The following PCDHA12 variants were observed in gnomAD, a reference collection of about 807,000 sequenced individuals.
The protein encoded by PCDHA12 is protocadherin alpha-12.
PCDHA12 carries 44 observed loss-of-function variants against 60.0 expected under a neutral mutation model. The observed-to-expected ratio is 0.73, with a 90% CI of 0.58 to 0.94. PCDHA12 has a LOEUF of 0.94. PCDHA12 is among the 40% of genes least tolerant of loss of function. The pLI is 0.00. For missense variants in PCDHA12, 1,276 were observed against 1,239.7 expected, an observed-to-expected ratio of 1.03 and a Z score of -0.44; for synonymous variants, 569 against 553.0, an observed-to-expected ratio of 1.03 and a Z score of -0.40.
chr5:140,928,262 A>G, intron 1 of PCDHA12: 1 of 1,614,214 alleles, frequency 6.2e-7, no homozygotes, highest in Non-Finnish European at 8.5e-7. Flanking sequence ...GTTGCTGAAA[A>G]CAATGGCCCT....
intron 1 of PCDHA12, chr5:140,929,003 G>A: frequency 6.2e-7 from 1 of 1,614,106 alleles, no homozygotes; most frequent in South Asian, 1.1e-5. Flanking sequence ...TTCTTCGTGT[G>A]TACCAAGTTG....
At chr5:140,918,348 G>A (rs1184826451) in intron 1 of PCDHA12, among the ~76,000 whole-genome samples, 1 of 152,138 alleles carries the variant, frequency 6.6e-6, no homozygotes, top group Non-Finnish European at 1.5e-5. Context: ...GAGATAGGTT[G>A]ACTTCCTCTC....
intron 1 of PCDHA12, chr5:140,884,750 A>T (rs1032518651): frequency 8.1e-5 from 116 of 1,431,120 alleles, no homozygotes; most frequent in Non-Finnish European, 1.2e-5. Context: ...TGCCAATTTC[A>T]AATTATTCTT....
Position 140,875,764 on chromosome 5 carries a change from C to A in PCDHA12, c.292C>A (p.Arg98=), listed in dbSNP as rs782377276. 6.2e-7 allele frequency: 1 copy of A among 1,614,196 alleles called. No homozygotes were observed. The highest frequency in any genetic ancestry group is 8.5e-7 in the Non-Finnish European group (1 of 1,180,034). The change falls in exon 1 of 4, where the codon CGG becomes AGG. Residue 98 remains arginine, a synonymous_variant. Transcript: ENST00000398631. ...GATCGACCGCGAGAAGCTGTGCGGG[C>A]GGAGCGCGGAGTGCAGTATCCACCT... The part of the protein sequence containing the change: ...SRIDREKLCG[R]SAECSIHLEV...
At chr5:140,967,279 T>A in intron 1 of PCDHA12, 1 of 1,613,002 alleles carries the variant, frequency 6.2e-7, no homozygotes, top group Non-Finnish European at 8.5e-7. Context: ...ACATAGAGAG[T>A]GCGCAGGACC....
At chr5:140,884,078 A>C (rs2059981897) in intron 1 of PCDHA12, 5 of 1,613,512 alleles carry the variant, frequency 3.1e-6, no homozygotes, top group Non-Finnish European at 4.2e-6. Flanking sequence ...TTCGGGCTAC[A>C]ATGCGTGGCT....
intron 1 of PCDHA12, among the ~76,000 whole-genome samples, chr5:140,953,278 T>C (rs1227774652): frequency 6.6e-5 from 10 of 152,146 alleles, no homozygotes; most frequent in African/African-American, 2.4e-4. Flanking sequence ...CTTTGCTCTT[T>C]ATATGTGATT....
At chr5:140,908,248 C>G (rs2073877594) in intron 1 of PCDHA12, among the ~76,000 whole-genome samples, 2 of 152,154 alleles carry the variant, frequency 1.3e-5, no homozygotes, top group South Asian at 4.1e-4. Context: ...TCCTCATCAA[C>G]TGATCATAGG....
At chr5:140,925,072 G>A (rs921580794) in intron 1 of PCDHA12, among the ~76,000 whole-genome samples, 10 of 149,184 alleles carry the variant, frequency 6.7e-5, no homozygotes, top group Admixed American at 2.0e-4. Flanking sequence ...AAAGCAACAC[G>A]CTCATCTGGA....
intron 1 of PCDHA12, among the ~76,000 whole-genome samples, chr5:140,886,356 T>C (rs1457178977): frequency 1.3e-5 from 2 of 152,194 alleles, no homozygotes; most frequent in South Asian, 2.1e-4. Flanking sequence ...GTTTGTTACA[T>C]AGGTGTACAT....
chr5:140,986,826 A>G (rs902801115), intron 3 of PCDHA12, among the ~76,000 whole-genome samples: 1 of 152,178 alleles, frequency 6.6e-6, no homozygotes, highest in Non-Finnish European at 1.5e-5. Flanking sequence ...GGTTTAGACA[A>G]TGGTTCTCAA....
rs2153463747 is a variant in PCDHA12 at position 140,899,363 on chromosome 5, C to G, written c.2367+21524C>G. On this transcript the variant is annotated intron_variant, in intron 1 of 3. Coordinates refer to ENST00000398631, the MANE Select transcript of PCDHA12 (RefSeq NM_018903.4). ...AGCTCTTATTATTTTGAGATATGTC[C>G]CATCAATACCTAATTTATTGAGAGT... Among the ~76,000 whole-genome samples, 3 of 152,122 alleles carry G rather than the reference C, an allele frequency of 2.0e-5. No individual in the cohort carries two copies. The South Asian group carries it at 6.2e-4, about 32-fold the overall frequency.
In PCDHA12 at chr5:140,876,012, T is replaced by C. The variant is rs2056048598; in HGVS notation, c.540T>C (p.Leu180=). 6.2e-7 allele frequency: 1 copy of C among 1,613,604 alleles called. No individual in the cohort carries two copies. The highest frequency in any genetic ancestry group is 8.5e-7 in the Non-Finnish European group (1 of 1,179,856). ...YALSLNENFE[L]KIKTKKDKSI... is the part of the protein sequence containing the mutation. ...TAAGTCTAAATGAGAATTTTGAGCT[T>C]AAAATAAAAACAAAAAAAGATAAAA... is the stretch of plus-strand genomic sequence containing the variant. Residue 180 remains leucine (L), a synonymous_variant, in exon 1 of 4, where the codon CTT becomes CTC. Transcript: ENST00000398631.
At position 140,877,452 on chromosome 5, in the gene PCDHA12, G is replaced by A. The variant is rs116206336; in HGVS notation, c.1980G>A (p.Thr660=). Residue 660 remains threonine (T), a synonymous_variant, in exon 1 of 4, where the codon ACG becomes ACA. Transcript: ENST00000398631. ...LVKDHGEPAL[T]STATVLVSLV... ...AGGACCACGGTGAGCCCGCGCTGAC[G>A]TCCACGGCCACGGTGCTGGTGTCGC... 1,416 of 1,613,822 alleles carry A rather than the reference G, an allele frequency of 8.8e-4. 8 individuals carry two copies. The African/African-American group carries it at 0.017, about 19-fold the overall frequency.
chr5:140,950,952 A>G (rs1554219699), intron 1 of PCDHA12, among the ~76,000 whole-genome samples: 2 of 151,782 alleles, frequency 1.3e-5, no homozygotes, highest in Admixed American at 1.3e-4. Context: ...GATCATTTCT[A>G]TTGATCTATT....
At chr5:140,922,577 T>C (rs155818) in intron 1 of PCDHA12, among the ~76,000 whole-genome samples, 48,013 of 152,060 alleles carry the variant, frequency 0.32, 7,938 homozygotes, top group East Asian at 0.53. Flanking sequence ...AGTTGCCCTG[T>C]AGCCGCCAGT....
intron 1 of PCDHA12, chr5:140,968,891 A>G (rs782512271): frequency 1.5e-5 from 24 of 1,614,060 alleles, no homozygotes; most frequent in South Asian, 1.1e-4. Context: ...CCTTTATCTA[A>G]TAATAGCATT....
intron 1 of PCDHA12, among the ~76,000 whole-genome samples, chr5:140,917,329 G>GGC (rs1563018868): frequency 6.9e-6 from 1 of 143,930 alleles, no homozygotes; most frequent in Non-Finnish European, 1.5e-5. Context: ...TGTGGCGGGG[G>GGC]AGGGGGGGGA....
At chr5:140,927,674 A>C (rs201769803) in intron 1 of PCDHA12, 1 of 1,614,182 alleles carries the variant, frequency 6.2e-7, no homozygotes, top group Admixed American at 1.7e-5. Flanking sequence ...TTGGATCCAG[A>C]TGAAGGGTCC....
Sources: gnomAD v4.1 joint callset for allele counts (sites outside exome capture counted in the v4.1 genomes callset) on GRCh38, gnomAD v4.1.1 for gene constraint, MANE v1.5 for transcripts, NCBI Gene and HGNC (gene_info 2026-07-23, HGNC 2026-07-21) for gene names.